Variants in EP400 observed in about 807,000 individuals in gnomAD.
The protein encoded by EP400 is E1A-binding protein p400.
A neutral mutation model predicts 354.1 loss-of-function variants in EP400; 105 were observed. The observed-to-expected ratio is 0.30, with a 90% CI of 0.25 to 0.35. The LOEUF is 0.35. Ranked by LOEUF, EP400 falls within the 10% of genes least tolerant of loss-of-function variation. The pLI is 1.00. For synonymous variants in EP400, 1,646 were observed against 1,716.9 expected (o/e 0.96, Z 1.02); for missense variants, 3,280 against 4,121.0 (o/e 0.80, Z 5.59).
intron 2 of EP400, among the ~76,000 whole-genome samples, chr12:131,975,210 C>T (rs1892430368): frequency 6.6e-6 from 1 of 152,120 alleles, no homozygotes; most frequent in East Asian, 1.9e-4. Flanking sequence ...GAGCAGTCAA[C>T]AGGGCGCACA....
chr12:131,958,159 A>T (rs766248733), intron 1 of EP400, among the ~76,000 whole-genome samples: 8 of 152,232 alleles, frequency 5.3e-5, no homozygotes, highest in Non-Finnish European at 7.3e-5. Flanking sequence ...GTTTCACACT[A>T]ATCTCCTATC....
intron 14 of EP400, 59 bp downstream of exon 14, chr12:132,006,361 A>T: frequency 6.5e-7 from 1 of 1,548,446 alleles, no homozygotes; most frequent in Non-Finnish European, 8.7e-7. Flanking sequence ...CACATAGCTT[A>T]GCCATGAGAA....
chr12:132,015,582 A>G (rs1353395073), intron 19 of EP400, among the ~76,000 whole-genome samples: 3 of 152,110 alleles, frequency 2.0e-5, no homozygotes, highest in East Asian at 1.9e-4. Flanking sequence ...TCAGGGTTGC[A>G]GTGTCGTCTG....
chr12:131,964,665 T>G (rs1187706877), intron 2 of EP400, among the ~76,000 whole-genome samples: 2 of 152,240 alleles, frequency 1.3e-5, no homozygotes, highest in African/African-American at 4.8e-5. Flanking sequence ...ACCAAATTTA[T>G]CAGTTGTTTT....
rs540349271 is a variant in EP400, at chr12:132,062,584, G to C, written c.8217G>C (p.Gln2739His). The change falls in exon 47 of 53, where the codon CAG becomes CAC. Residue 2739 changes from glutamine (Q) to histidine (H), a missense_variant. By Grantham distance (24) the Gln-to-His change is conservative (BLOSUM62 0). This residue lies in a region of EP400 where 11 missense variants were observed against 34.5 expected (regional missense o/e 0.32). Transcript: ENST00000389561. Reference sequence around the variant, plus strand: ...AGCAGCAGCAGCAGCAGCAGCAGCAGCAGCAGCAACAGCAGCAGCAGCAAC... The same window carrying C: ...AGCAGCAGCAGCAGCAGCAGCAGCACCAGCAGCAACAGCAGCAGCAGCAAC... The part of the protein sequence containing the change: ...QQQQQQQQQQ[Q>H]QQQQQQQQQT... 1.2e-6 allele frequency: 2 copies of C among 1,600,704 alleles called. No individual in the cohort carries two copies. The highest frequency in any genetic ancestry group is 2.2e-5 in the South Asian group (2 of 89,860).
intron 31 of EP400, 40 bp from the exon 32 acceptor site, chr12:132,037,913 G>A: frequency 6.2e-7 from 1 of 1,613,836 alleles, no homozygotes; most frequent in Non-Finnish European, 8.5e-7. Flanking sequence ...ATGCACACTT[G>A]GACCTTGTAC....
rs1895751190 is a variant in EP400, at chr12:132,062,791, TCC to T, written c.8334+91_8334+92del. 1.6e-5 allele frequency: 24 copies of T among 1,520,104 alleles called. No homozygotes were observed. In the Admixed American group the frequency reaches 4.3e-4, roughly 27 times the overall value. The allele number at this position is 1,520,104 out of a possible 1,614,324, so 94.2% of individuals were successfully genotyped here. A position where few individuals can be genotyped will look rare whatever the true frequency, so the allele number is the denominator to read the frequency against. On this transcript the variant is annotated intron_variant, in intron 47 of 52. Transcript: ENST00000389561. ...GACGGTGCCTGCTTGCATGGTGCAGTCCAGAGTGTATTTTGCAAACGTCTAGC... is the reference window on the plus strand; with the variant it reads ...GACGGTGCCTGCTTGCATGGTGCAGTAGAGTGTATTTTGCAAACGTCTAGC...
intron 47 of EP400, among the ~76,000 whole-genome samples, chr12:132,063,284 G>A (rs540230438): frequency 5.9e-5 from 9 of 152,318 alleles, no homozygotes; most frequent in South Asian, 2.1e-4. Context: ...AGGCCAAGGC[G>A]GGCAGAGCAT....
chr12:132,005,064 C>T lies in EP400; in HGVS notation c.2828-13C>T. ...TATAAAGTAACAGCCCTTCTGCCCG[C>T]AACCCTCTGCAGCTGAGCTGCCCCT... On this transcript the variant is annotated splice_polypyrimidine_tract_variant and intron_variant, in intron 12 of 52. Coordinates refer to ENST00000389561, the MANE Select transcript of EP400 (RefSeq NM_015409.5). The T allele has an allele frequency of 6.4e-7, 1 of 1,563,222 alleles. No homozygotes were observed. The highest frequency in any genetic ancestry group is 1.2e-5 in the South Asian group (1 of 84,916).
intron 41 of EP400, 89 bp from the exon 42 acceptor site, chr12:132,053,057 A>C: frequency 7.1e-7 from 1 of 1,398,870 alleles, no homozygotes; most frequent in South Asian, 1.2e-5. Flanking sequence ...CTGCCCCAGC[A>C]CCTGGCAGCA....
At chr12:132,033,518 T>C (rs1894594057) in intron 30 of EP400, among the ~76,000 whole-genome samples, 1 of 151,164 alleles carries the variant, frequency 6.6e-6, no homozygotes, top group Non-Finnish European at 1.5e-5. Context: ...ACCCTGGAAC[T>C]AAAACCCAAG....
At chr12:131,954,934 G>C (rs1374631680) in intron 1 of EP400, among the ~76,000 whole-genome samples, 1 of 151,984 alleles carries the variant, frequency 6.6e-6, no homozygotes, top group African/African-American at 2.4e-5. Context: ...GAAGTGGGAG[G>C]TTTGCTTGAA....
intron 45 of EP400, among the ~76,000 whole-genome samples, chr12:132,059,798 G>A (rs1262566642): frequency 1.3e-5 from 2 of 151,968 alleles, no homozygotes; most frequent in African/African-American, 2.4e-5. Flanking sequence ...GGCGGATCAC[G>A]AGGTCAGGAG....
Position 132,011,383 on chromosome 12 carries a change from G to A in EP400, c.3305-115G>A, listed in dbSNP as rs931895914. 26 of 1,305,080 alleles carry A rather than the reference G, an allele frequency of 2.0e-5. No individual in the cohort carries two copies. The South Asian group carries it at 2.3e-4, about 11-fold the overall frequency. 80.8% of individuals were successfully genotyped at this position (1,305,080 alleles called of 1,614,324 possible). ...CCCCCCAAGTCTGCCTCAGTCGTGC[G>A]ATGGCTCATGTGACACATACTCATA... is the stretch of plus-strand genomic sequence containing the variant. On this transcript the variant is annotated intron_variant, in intron 15 of 52. Coordinates refer to ENST00000389561, the MANE Select transcript of EP400 (RefSeq NM_015409.5).
intron 2 of EP400, among the ~76,000 whole-genome samples, chr12:131,970,450 T>C (rs990186389): frequency 6.6e-6 from 1 of 152,238 alleles, no homozygotes; most frequent in Admixed American, 6.5e-5. Flanking sequence ...CCCAGCACGA[T>C]GCTCTAGAGA....
rs536294252 is a variant in EP400, at chr12:132,050,137, C to T, written c.7201-186C>T. Among the ~76,000 whole-genome samples, 3 of 152,278 alleles carry T rather than the reference C, an allele frequency of 2.0e-5. No homozygotes were observed. Among genetic ancestry groups the T allele is most frequent in the South Asian group, 4.1e-4 (2 of 4,826 alleles). ...TGGAGAGTGTCACAGCAGTCGGCCG[C>T]GACAGCCACTTAATGCCGCTGCTGT... is the stretch of plus-strand genomic sequence containing the variant. On this transcript the variant is annotated intron_variant, in intron 39 of 52. Coordinates refer to ENST00000389561, the MANE Select transcript of EP400 (RefSeq NM_015409.5). The surrounding 1 kb of genome is among the most constrained non-coding windows in gnomAD (Gnocchi z 4.8).
At chr12:131,995,126 C>G (rs1893160266) in intron 12 of EP400, 170 bp downstream of exon 12, 1 of 589,136 alleles carries the variant, frequency 1.7e-6, no homozygotes, top group Admixed American at 3.1e-5. Context: ...GGTCCTGGCC[C>G]TCCTGGGTTG....
At chr12:131,950,547 G>A (rs1891434264) in intron 1 of EP400, among the ~76,000 whole-genome samples, 1 of 152,138 alleles carries the variant, frequency 6.6e-6, no homozygotes, top group South Asian at 2.1e-4. Context: ...CCCGCGTCCC[G>A]GGCGTCCCGG....
rs1193233132 is a variant in EP400, at chr12:132,077,766, A to T, written c.*93A>T. The stretch of plus-strand genomic sequence containing the variant: ...GAACCTTGGGACCATGTCACGCAAG[A>T]GATTCAGCACTGGGAAAGATATAAT... On this transcript the variant is annotated 3_prime_UTR_variant, in exon 53 of 53. Coordinates refer to ENST00000389561, the MANE Select transcript of EP400 (RefSeq NM_015409.5). 5.7e-5 allele frequency: 79 copies of T among 1,388,352 alleles called. No homozygotes were observed. Among genetic ancestry groups the T allele is most frequent in the Non-Finnish European group, 6.1e-5 (64 of 1,045,206 alleles). 86.0% of individuals were successfully genotyped at this position (1,388,352 alleles called of 1,614,324 possible).
Sources: allele counts gnomAD v4.1 joint callset (sites outside exome capture counted in the v4.1 genomes callset), GRCh38; gene constraint gnomAD v4.1.1; regional missense constraint gnomAD v4.1.1; non-coding constraint Gnocchi (gnomAD v3.1); transcripts MANE v1.5; gene names NCBI Gene and HGNC (gene_info 2026-07-23, HGNC 2026-07-21).